Variants in ERO1B observed in about 807,000 individuals in gnomAD.
ERO1B encodes ERO1-like protein beta.
Under a neutral mutation model 75.3 loss-of-function variants are expected in ERO1B, and 49 were observed. The observed-to-expected ratio is 0.65, with a 90% CI of 0.52 to 0.83. The LOEUF is 0.83. Among genes scored for constraint, ERO1B ranks in the 40% least tolerant of loss-of-function variants. The pLI, the probability that ERO1B is intolerant of heterozygous loss-of-function variation, is 0.00. For missense variants in ERO1B, 512 were observed against 560.1 expected, an observed-to-expected ratio of 0.91 and a Z score of 0.87; for synonymous variants, 191 against 192.9, an observed-to-expected ratio of 0.99 and a Z score of 0.08.
chr1:236,225,666 G>A (rs1004379352), intron 12 of ERO1B, among the ~76,000 whole-genome samples: 35 of 152,174 alleles, frequency 2.3e-4, no homozygotes, highest in Non-Finnish European at 3.7e-4. Context: ...CAGGCGCGAT[G>A]GCCCATGCCT....
At chr1:236,270,596 C>T (rs893649400) in intron 1 of ERO1B, among the ~76,000 whole-genome samples, 5 of 152,082 alleles carry the variant, frequency 3.3e-5, no homozygotes, top group Non-Finnish European at 2.9e-5. Flanking sequence ...AGATTATTTG[C>T]TAATCCAAGA....
chr1:236,253,237 T>G (rs1364203269), intron 3 of ERO1B, among the ~76,000 whole-genome samples, 185 bp downstream of exon 3: 2 of 152,212 alleles, frequency 1.3e-5, no homozygotes, highest in African/African-American at 4.8e-5. Context: ...ACAAGTGTCT[T>G]CAAACCCATT....
chr1:236,265,540 C>T (rs1476560542), intron 2 of ERO1B, among the ~76,000 whole-genome samples: 1 of 152,164 alleles, frequency 6.6e-6, no homozygotes, highest in African/African-American at 2.4e-5. Flanking sequence ...TCAGCTGCAG[C>T]ATTCTATTGC....
intron 12 of ERO1B, among the ~76,000 whole-genome samples, chr1:236,225,976 T>C (rs1252335847): frequency 6.6e-6 from 1 of 152,120 alleles, no homozygotes; most frequent in Non-Finnish European, 1.5e-5. Flanking sequence ...GAATACAAAA[T>C]TGGTAGAAAG....
intron 1 of ERO1B, among the ~76,000 whole-genome samples, chr1:236,275,840 A>G (rs1665699059): frequency 6.6e-6 from 1 of 152,224 alleles, no homozygotes; most frequent in South Asian, 2.1e-4. Flanking sequence ...AAGACCAAAT[A>G]TATTTTTGGA....
chr1:236,220,028 TAAAAAAAAAAA>T (rs749126308), intron 15 of ERO1B: 1 of 33,970 alleles, frequency 2.9e-5, no homozygotes, highest in Non-Finnish European at 5.4e-5. Context: ...TCATCTCTTT[TAAAAAAAAAAA>T]AAAAAAAAAA....
intron 2 of ERO1B, among the ~76,000 whole-genome samples, chr1:236,262,618 T>C (rs1381820410): frequency 2.0e-5 from 3 of 152,120 alleles, no homozygotes; most frequent in Non-Finnish European, 4.4e-5. Context: ...TTGGCCAGGC[T>C]GGTCTTGAAC....
At chr1:236,252,328 G>A (rs1665050263) in intron 3 of ERO1B, among the ~76,000 whole-genome samples, 1 of 152,088 alleles carries the variant, frequency 6.6e-6, no homozygotes, top group African/African-American at 2.4e-5. Flanking sequence ...AAGTAAGAAA[G>A]CCAAAAGCAG....
intron 2 of ERO1B, among the ~76,000 whole-genome samples, chr1:236,260,289 G>C (rs1192178195): frequency 6.6e-6 from 1 of 152,092 alleles, no homozygotes; most frequent in East Asian, 1.9e-4. Context: ...TACAAAAGCT[G>C]GAGTAAGGAA....
intron 8 of ERO1B, among the ~76,000 whole-genome samples, chr1:236,233,983 G>C (rs1250396185): frequency 6.6e-6 from 1 of 152,190 alleles, no homozygotes; most frequent in African/African-American, 2.4e-5. Context: ...TTGGACAAAA[G>C]TTCCTATTGC....
intron 15 of ERO1B, among the ~76,000 whole-genome samples, chr1:236,219,347 G>A (rs1023704349): frequency 6.6e-6 from 1 of 152,076 alleles, no homozygotes; most frequent in African/African-American, 2.4e-5. Context: ...CCCTGATTCT[G>A]AGTCCATTAC....
chr1:236,246,419 C>T lies in ERO1B; in HGVS notation c.432-2924G>A, dbSNP rs574359433. On this transcript the variant is annotated intron_variant, in intron 5 of 15. Transcript: ENST00000354619. ...ACTCCTGGCTTCAACCAATCCTCCTCCCTTGGCCTCCCAAAGTACTGGGAT... is the reference window on the plus strand; with the variant it reads ...ACTCCTGGCTTCAACCAATCCTCCTTCCTTGGCCTCCCAAAGTACTGGGAT... 3.9e-5 allele frequency among the ~76,000 whole-genome samples: 6 copies of T among 152,004 alleles called. No homozygotes were observed. In the South Asian group the frequency reaches 1.2e-3, roughly 32 times the overall value.
chr1:236,239,807 G>GTGTATATATATATATA (rs1558510747), intron 6 of ERO1B, among the ~76,000 whole-genome samples: 12 of 69,560 alleles, frequency 1.7e-4, no homozygotes, highest in East Asian at 9.7e-4. Flanking sequence ...ATATATATAT[G>GTGTATATATATATATA]TGTGTATATA....
Position 236,258,164 on chromosome 1 carries a change from C to CAA in ERO1B, c.223-4660_223-4659insTT, listed in dbSNP as rs1665208891. ...AAAAACAAAGCAAAAAAAAAAAAAACCCAGCCAGATCCAGGAAGTTCAATG... is the reference window on the plus strand; with the variant it reads ...AAAAACAAAGCAAAAAAAAAAAAAACAACCAGCCAGATCCAGGAAGTTCAATG... On this transcript the variant is annotated intron_variant, in intron 2 of 15. Transcript: ENST00000354619. 1.5e-4 allele frequency among the ~76,000 whole-genome samples: 3 copies of CAA among 20,462 alleles called. 1 individual carries two copies. Among genetic ancestry groups the CAA allele is most frequent in the Non-Finnish European group, 2.2e-4 (2 of 8,900 alleles). 13.4% of individuals were successfully genotyped at this position (20,462 alleles called of 152,430 possible). A position where few individuals can be genotyped will look rare whatever the true frequency, so the allele number is the denominator to read the frequency against.
In ERO1B at chr1:236,245,319, TATACAC is replaced by T. The variant is rs1353190590; in HGVS notation, c.432-1830_432-1825del. On this transcript the variant is annotated intron_variant, in intron 5 of 15. Coordinates refer to ENST00000354619, the MANE Select transcript of ERO1B (RefSeq NM_019891.4). Reference sequence around the variant, plus strand: ...CAAAATATATATATATATATATATATATACACACACGTATATATATACGTATATATA... The same window carrying T: ...CAAAATATATATATATATATATATATACACGTATATATATACGTATATATA... Among the ~76,000 whole-genome samples the T allele has an allele frequency of 5.1e-4, 10 of 19,460 alleles. 1 individual carries two copies. The highest frequency in any genetic ancestry group is 1.1e-3 in the Admixed American group (1 of 950). 12.8% of individuals were successfully genotyped at this position (19,460 alleles called of 152,430 possible). A position where few individuals can be genotyped will look rare whatever the true frequency, so the allele number is the denominator to read the frequency against.
intron 1 of ERO1B, among the ~76,000 whole-genome samples, chr1:236,272,178 A>G (rs181009960): frequency 3.9e-5 from 6 of 152,324 alleles, no homozygotes; most frequent in African/African-American, 1.2e-4. Context: ...TAGAACCATC[A>G]TTTGACCCTG....
intron 13 of ERO1B, 126 bp from the exon 14 acceptor site, chr1:236,222,136 GT>G (rs1664163663): frequency 2.6e-6 from 2 of 767,558 alleles, no homozygotes; most frequent in Non-Finnish European, 4.3e-6. Context: ...TTGAGAAGGA[GT>G]TTTGCTTTGT....
At chr1:236,235,872 T>C (rs750943146) in intron 7 of ERO1B, 37 bp from the exon 8 acceptor site, 9 of 1,575,416 alleles carry the variant, frequency 5.7e-6, no homozygotes, top group South Asian at 1.1e-5. Context: ...CATAGAATGT[T>C]TTAACTTTTA....
intron 5 of ERO1B, among the ~76,000 whole-genome samples, chr1:236,244,926 T>C (rs1664803474): frequency 6.6e-6 from 1 of 152,072 alleles, no homozygotes; most frequent in African/African-American, 2.4e-5. Flanking sequence ...AAAGTAGTAG[T>C]CTTCAAACTG....
Sources: gnomAD v4.1 joint callset for allele counts (sites outside exome capture counted in the v4.1 genomes callset) on GRCh38, gnomAD v4.1.1 for gene constraint, MANE v1.5 for transcripts, NCBI Gene and HGNC (gene_info 2026-07-23, HGNC 2026-07-21) for gene names.